The following TNRC6A variants were observed in gnomAD, a reference collection of about 807,000 sequenced individuals.
TNRC6A encodes the protein trinucleotide repeat-containing gene 6A protein.
In TNRC6A, 44 loss-of-function variants were observed where a neutral mutation model predicts 221.2. The ratio of observed to expected loss-of-function variants is 0.20; its 90% CI spans 0.16 to 0.26. TNRC6A has a LOEUF of 0.26. TNRC6A is among the 10% of genes least tolerant of loss of function. The pLI is 1.00. For missense variants in TNRC6A, 2,199 were observed against 2,404.4 expected (o/e 0.91, Z 1.79); for synonymous variants, 847 against 838.5 (o/e 1.01, Z -0.18).
chr16:24,793,294 T>G, intron 6 of TNRC6A, 179 bp from the exon 7 acceptor site: 1 of 407,498 alleles, frequency 2.5e-6, no homozygotes. Context: ...TAATGGGAAA[T>G]AGTTTGTCTT....
chr16:24,786,365 G>T (rs2057968970), intron 5 of TNRC6A, among the ~76,000 whole-genome samples: 2 of 150,420 alleles, frequency 1.3e-5, no homozygotes, highest in South Asian at 4.3e-4. Context: ...TTGCTTTGTT[G>T]CCCAGGCTGG....
chr16:24,688,644 G>A (rs1290236367), intron 2 of TNRC6A, among the ~76,000 whole-genome samples: 1 of 152,172 alleles, frequency 6.6e-6, no homozygotes, highest in Non-Finnish European at 1.5e-5. Context: ...AGTCAGACAA[G>A]GGGCTCATGA....
chr16:24,766,674 C>CTTTT (rs397972605), intron 4 of TNRC6A, among the ~76,000 whole-genome samples: 2 of 121,414 alleles, frequency 1.6e-5, no homozygotes, highest in Non-Finnish European at 3.4e-5. Context: ...TTCTTTTTAT[C>CTTTT]TTTTTTTTTT....
At chr16:24,683,288 C>T (rs2055568099) in intron 2 of TNRC6A, among the ~76,000 whole-genome samples, 1 of 152,098 alleles carries the variant, frequency 6.6e-6, no homozygotes, top group African/African-American at 2.4e-5. Flanking sequence ...CCTCAACCTC[C>T]TGGGCTCAAG....
At position 24,687,843 on chromosome 16, in the gene TNRC6A, G is replaced by GGAAGAGGAAGAAGAAGAA. The variant is rs1555489486; in HGVS notation, n.402+46839_402+46840insGGAAGAAGAAGAAGAAGA. 3.7e-3 allele frequency among the ~76,000 whole-genome samples: 372 copies of GGAAGAGGAAGAAGAAGAA among 101,902 alleles called. 5 individuals carry two copies. The highest frequency in any genetic ancestry group is 0.01 in the African/African-American group (313 of 29,870). 66.9% of individuals were successfully genotyped at this position (101,902 alleles called of 152,430 possible). On this transcript the variant is annotated intron_variant and non_coding_transcript_variant, in intron 2 of 2. Coordinates refer to the TNRC6A transcript ENST00000566108. Reference sequence around the variant, plus strand: ...AAGAGGAAGAAGAGGAAGAGGAAGAGGAAGAAGAAGAAGAAGAAGAAGAAG... The same window carrying GGAAGAGGAAGAAGAAGAA: ...AAGAGGAAGAAGAGGAAGAGGAAGAGGAAGAGGAAGAAGAAGAAGAAGAAGAAGAAGAAGAAGAAGAAG...
chr16:24,758,427 G>A (rs534173790), intron 4 of TNRC6A, 67 bp downstream of exon 4: 18 of 1,520,622 alleles, frequency 1.2e-5, no homozygotes, highest in Admixed American at 6.8e-5. Flanking sequence ...GTGCATTTTT[G>A]TTCACCTCAA....
chr16:24,710,760 C>T (rs751701873), intron 2 of TNRC6A, among the ~76,000 whole-genome samples: 8 of 150,898 alleles, frequency 5.3e-5, no homozygotes, highest in African/African-American at 1.2e-4. Context: ...CTCACTCTGT[C>T]GCCCAGGCTG....
chr16:24,785,802 CACTT>C (rs1007227381), intron 5 of TNRC6A, among the ~76,000 whole-genome samples: 20 of 152,178 alleles, frequency 1.3e-4, no homozygotes, highest in Admixed American at 1.2e-3. Flanking sequence ...TGGCCACACA[CACTT>C]AACGCACGCA....
In TNRC6A at chr16:24,729,792, G is replaced by A; in HGVS notation, c.-50G>A. ...CCCGCGGCGCTGCGGAGGGCTTGAGGCTCGCGAGCCTCCTTCGCCGCGCCC... is the reference window on the plus strand; with the variant it reads ...CCCGCGGCGCTGCGGAGGGCTTGAGACTCGCGAGCCTCCTTCGCCGCGCCC... On this transcript the variant is annotated 5_prime_UTR_variant, in exon 1 of 25. Coordinates refer to ENST00000395799, the MANE Select transcript of TNRC6A (RefSeq NM_014494.4). 1 of 1,405,526 alleles carries A rather than the reference G, an allele frequency of 7.1e-7. No homozygotes were observed. 87.1% of individuals were successfully genotyped at this position (1,405,526 alleles called of 1,614,324 possible). A position where few individuals can be genotyped will look rare whatever the true frequency, so the allele number is the denominator to read the frequency against.
intron 1 of TNRC6A, among the ~76,000 whole-genome samples, chr16:24,636,372 ATTTTTT>A (rs34517197): frequency 1.4e-5 from 2 of 140,268 alleles, no homozygotes; most frequent in African/African-American, 5.3e-5. Context: ...GGACTTTGTG[ATTTTTT>A]TTTTTTTTTT....
At chr16:24,662,577 G>A (rs12103149) in intron 2 of TNRC6A, 20,902 of 152,150 alleles carry the variant, frequency 0.14, 1,682 homozygotes, top group African/African-American at 0.2. Flanking sequence ...ATTTGGAAGC[G>A]TAAAAATGTT....
intron 2 of TNRC6A, among the ~76,000 whole-genome samples, chr16:24,713,450 AAAAAAATAT>A (rs1567380133): frequency 3.9e-4 from 33 of 84,244 alleles, no homozygotes; most frequent in African/African-American, 1.2e-3. Context: ...ACAAACAAAC[AAAAAAATAT>A]ATATATATAT....
In TNRC6A at chr16:24,820,215, G is replaced by C. The variant is rs762863694; in HGVS notation, c.5157G>C (p.Lys1719Asn). 2 of 1,613,970 alleles carry C rather than the reference G, an allele frequency of 1.2e-6. No homozygotes were observed. Among genetic ancestry groups the C allele is most frequent in the Admixed American group, 1.7e-5 (1 of 59,988 alleles). ...CCTCTCTGGCTCATGAGCTGTGGAA[G>C]GTCCCTTTGCCACCTAAAAACATCA... Reference protein sequence around the residue: ...TNTSLAHELWKVPLPPKNITA... With the variant: ...TNTSLAHELWNVPLPPKNITA... The change falls in exon 22 of 25, where the codon AAG becomes AAC. Residue 1719 changes from lysine to asparagine, a missense_variant. By Grantham distance (94) the Lys-to-Asn change is moderately conservative. This residue lies in a region of TNRC6A where 449 missense variants were observed against 579.7 expected (regional missense o/e 0.77). Transcript: ENST00000395799.
At chr16:24,670,604 T>G (rs1216597638) in intron 2 of TNRC6A, among the ~76,000 whole-genome samples, 2 of 152,188 alleles carry the variant, frequency 1.3e-5, no homozygotes, top group Admixed American at 6.6e-5. Context: ...AGAACTCTCC[T>G]GTCTGTACTC....
chr16:24,822,161 A>T lies in TNRC6A; in HGVS notation c.5373+14A>T, dbSNP rs1596843623. On this transcript the variant is annotated intron_variant, in intron 23 of 24. Coordinates refer to ENST00000395799, the MANE Select transcript of TNRC6A (RefSeq NM_014494.4). Reference sequence around the variant, plus strand: ...CTTACACCTCAGGTAAGGATACCAGATACGCTGGTTTATGTGGCTACGCCA... The same window carrying T: ...CTTACACCTCAGGTAAGGATACCAGTTACGCTGGTTTATGTGGCTACGCCA... 1.2e-6 allele frequency: 2 copies of T among 1,612,766 alleles called. No individual in the cohort carries two copies. The highest frequency in any genetic ancestry group is 1.7e-6 in the Non-Finnish European group (2 of 1,178,858).
chr16:24,781,278 T>TG (rs1468073314), intron 5 of TNRC6A, among the ~76,000 whole-genome samples: 1 of 151,872 alleles, frequency 6.6e-6, no homozygotes, highest in East Asian at 1.9e-4. Flanking sequence ...AGGCCAGTCT[T>TG]GAACTCCTGA....
chr16:24,634,544 G>C (rs1157405718), intron 1 of TNRC6A, among the ~76,000 whole-genome samples: 1 of 152,086 alleles, frequency 6.6e-6, no homozygotes, highest in Admixed American at 6.6e-5. Flanking sequence ...CTATAAAAAC[G>C]AATTGCTGAA....
At chr16:24,780,679 A>G (rs1337508913) in intron 5 of TNRC6A, among the ~76,000 whole-genome samples, 1 of 152,136 alleles carries the variant, frequency 6.6e-6, no homozygotes, top group Non-Finnish European at 1.5e-5. Context: ...TTTCTGCCAT[A>G]TTAGTAACGC....
intron 2 of TNRC6A, among the ~76,000 whole-genome samples, chr16:24,737,545 G>A (rs993720832): frequency 1.3e-5 from 2 of 152,226 alleles, no homozygotes; most frequent in Non-Finnish European, 2.9e-5. Context: ...ATGTGATGAT[G>A]ACTCAGCTGA....
Sources: gnomAD v4.1 joint callset for allele counts (sites outside exome capture counted in the v4.1 genomes callset) on GRCh38, gnomAD v4.1.1 for gene constraint, gnomAD v4.1.1 regional missense constraint, MANE v1.5 for transcripts, NCBI Gene and HGNC (gene_info 2026-07-23, HGNC 2026-07-21) for gene names.